OPCML: variants seen among roughly 807,000 people sequenced by gnomAD.
The protein encoded by OPCML is opioid binding protein/cell adhesion molecule like.
In OPCML, 13 loss-of-function variants were observed where a neutral mutation model predicts 37.8. The observed-to-expected ratio is 0.34, with a 90% CI of 0.22 to 0.55. The LOEUF is 0.55. Among genes scored for constraint, OPCML ranks in the 20% least tolerant of loss-of-function variants. OPCML has a pLI of 0.91. For missense variants in OPCML, 341 were observed against 435.6 expected (o/e 0.78, Z 1.93); for synonymous variants, 176 against 168.8 (o/e 1.04, Z -0.33).
intron 1 of OPCML, among the ~76,000 whole-genome samples, chr11:133,284,955 G>T (rs1942257697): frequency 6.6e-6 from 1 of 152,084 alleles, no homozygotes; most frequent in Non-Finnish European, 1.5e-5. Flanking sequence ...TCTGGGGGCA[G>T]TGGGGGTGGG....
At chr11:132,517,084 G>T (rs1291160787) in intron 4 of OPCML, among the ~76,000 whole-genome samples, 2 of 151,960 alleles carry the variant, frequency 1.3e-5, no homozygotes, top group African/African-American at 2.4e-5. Flanking sequence ...TACCATGTAC[G>T]TGTCTCCCCA....
chr11:132,480,139 T>C (rs1237499157), intron 4 of OPCML, among the ~76,000 whole-genome samples: 1 of 152,068 alleles, frequency 6.6e-6, no homozygotes, highest in Non-Finnish European at 1.5e-5. Context: ...TAGAAGAATG[T>C]ATAACTAGAA....
At chr11:133,369,066 A>G (rs553989919) in intron 1 of OPCML, among the ~76,000 whole-genome samples, 1 of 152,378 alleles carries the variant, frequency 6.6e-6, no homozygotes, top group African/African-American at 2.4e-5. Flanking sequence ...GAAACATTCA[A>G]ACCAACCAGA....
At chr11:133,373,061 C>A (rs1157687578) in intron 1 of OPCML, among the ~76,000 whole-genome samples, 1 of 151,756 alleles carries the variant, frequency 6.6e-6, no homozygotes, top group Non-Finnish European at 1.5e-5. Flanking sequence ...AAAGAAAAGA[C>A]AAAGAAAAAA....
intron 2 of OPCML, among the ~76,000 whole-genome samples, chr11:132,741,032 A>AT (rs2136038211): frequency 6.6e-6 from 1 of 152,332 alleles, no homozygotes; most frequent in African/African-American, 2.4e-5. Context: ...GGGTGCCAGC[A>AT]TGGGTGACAG....
At chr11:132,956,423 T>C (rs979910193) in intron 1 of OPCML, among the ~76,000 whole-genome samples, 1 of 152,218 alleles carries the variant, frequency 6.6e-6, no homozygotes, top group African/African-American at 2.4e-5. Flanking sequence ...ATAACGTATG[T>C]TTACATGATA....
chr11:133,222,906 G>A (rs1939898241), intron 1 of OPCML, among the ~76,000 whole-genome samples: 1 of 152,122 alleles, frequency 6.6e-6, no homozygotes, highest in African/African-American at 2.4e-5. Context: ...GAAGCACTTG[G>A]AATGAGAAGA....
intron 1 of OPCML, among the ~76,000 whole-genome samples, chr11:133,374,003 A>G (rs1798671331): frequency 6.6e-6 from 1 of 152,250 alleles, no homozygotes; most frequent in Admixed American, 6.5e-5. Flanking sequence ...TTCTACTGCT[A>G]GGTATTTACC....
At chr11:133,422,962 T>A (rs760630884) in intron 1 of OPCML, 1 of 985,266 alleles carries the variant, frequency 1.0e-6, no homozygotes, top group Non-Finnish European at 1.2e-6. Flanking sequence ...TGATGGCATG[T>A]CATATAATGA....
intron 1 of OPCML, among the ~76,000 whole-genome samples, chr11:133,232,283 G>C (rs528596359): frequency 6.6e-6 from 1 of 152,178 alleles, no homozygotes; most frequent in Non-Finnish European, 1.5e-5. Context: ...GAAACCATAC[G>C]GTGTGGTAGA....
intron 1 of OPCML, among the ~76,000 whole-genome samples, chr11:133,188,792 G>A (rs1938190707): frequency 6.6e-6 from 1 of 152,132 alleles, no homozygotes; most frequent in Admixed American, 6.5e-5. Context: ...GTGAGGTTCT[G>A]TCGCATGTAG....
chr11:132,556,812 T>C (rs1029753748), intron 3 of OPCML, among the ~76,000 whole-genome samples: 1 of 152,160 alleles, frequency 6.6e-6, no homozygotes, highest in African/African-American at 2.4e-5. Flanking sequence ...TACACTTACC[T>C]GCACCAAGTA....
At position 132,877,819 on chromosome 11, in the gene OPCML, C is replaced by T. The variant is rs543764806; in HGVS notation, c.146+65107G>A. Among the ~76,000 whole-genome samples the T allele has an allele frequency of 2.0e-5, 3 of 152,348 alleles. No homozygotes were observed. The East Asian group carries it at 5.8e-4, about 29-fold the overall frequency. ...GAAGACCTAAAATAAACACTCTTGA[C>T]TAGAGCAACGTAAATTACTATTAAG... On this transcript the variant is annotated intron_variant, in intron 2 of 7. Coordinates refer to ENST00000524381, the MANE Select transcript of OPCML (RefSeq NM_001012393.5).
intron 3 of OPCML, among the ~76,000 whole-genome samples, chr11:132,617,305 C>T (rs562815444): frequency 6.6e-5 from 10 of 152,228 alleles, no homozygotes; most frequent in East Asian, 3.9e-4. Context: ...CAAAACAATT[C>T]GAGGAAATTC....
At chr11:133,369,624 T>C (rs1004695285) in intron 1 of OPCML, among the ~76,000 whole-genome samples, 2 of 152,188 alleles carry the variant, frequency 1.3e-5, no homozygotes, top group African/African-American at 2.4e-5. Context: ...AACAATACCA[T>C]ACATCATTCC....
chr11:133,024,241 G>T (rs1347572806), intron 1 of OPCML: 1 of 552,428 alleles, frequency 1.8e-6, no homozygotes. Flanking sequence ...CAGGTTGGTG[G>T]GGGGCTGGGG....
At chr11:132,786,574 A>T (rs969489322) in intron 2 of OPCML, among the ~76,000 whole-genome samples, 1 of 152,148 alleles carries the variant, frequency 6.6e-6, no homozygotes, top group African/African-American at 2.4e-5. Context: ...CCTCTTAGGA[A>T]TATTAATATT....
At chr11:133,476,407 G>A (rs1482816934) in intron 1 of OPCML, among the ~76,000 whole-genome samples, 1 of 148,842 alleles carries the variant, frequency 6.7e-6, no homozygotes, top group Non-Finnish European at 1.5e-5. Flanking sequence ...TTTTTTTTCT[G>A]ATCCAAAATG....
At chr11:133,285,914 C>G (rs532387613) in intron 1 of OPCML, among the ~76,000 whole-genome samples, 43 of 152,128 alleles carry the variant, frequency 2.8e-4, no homozygotes, top group Non-Finnish European at 5.4e-4. Context: ...TTGACTGATT[C>G]ATTGGAAAGA....
Sources: allele counts gnomAD v4.1 joint callset (sites outside exome capture counted in the v4.1 genomes callset), GRCh38; gene constraint gnomAD v4.1.1; transcripts MANE v1.5; gene names NCBI Gene and HGNC (gene_info 2026-07-23, HGNC 2026-07-21).